The following CNTNAP2 variants were observed in gnomAD, a reference collection of about 807,000 sequenced individuals.
The protein encoded by CNTNAP2 is contactin-associated protein-like 2.
CNTNAP2 carries 98 observed loss-of-function variants against 155.2 expected under a neutral mutation model. That is an observed-to-expected ratio of 0.63 (90% CI 0.54 to 0.75). The LOEUF (loss-of-function observed/expected upper bound fraction) is 0.75. Ranked by LOEUF, CNTNAP2 falls within the 30% of genes least tolerant of loss-of-function variation. CNTNAP2 has a pLI of 0.00. For synonymous variants in CNTNAP2, 651 were observed against 631.2 expected, an observed-to-expected ratio of 1.03 and a Z score of -0.47; for missense variants, 1,727 against 1,688.1, an observed-to-expected ratio of 1.02 and a Z score of -0.40.
At chr7:146,395,592 C>A (rs1351906119) in intron 1 of CNTNAP2, among the ~76,000 whole-genome samples, 1 of 152,064 alleles carries the variant, frequency 6.6e-6, no homozygotes, top group East Asian at 1.9e-4. Flanking sequence ...TTGAACAAAT[C>A]ATGTGCTTAC....
At chr7:146,875,952 AAAAAAAAAAC>A (rs1235214279) in intron 3 of CNTNAP2, among the ~76,000 whole-genome samples, 2 of 149,258 alleles carry the variant, frequency 1.3e-5, no homozygotes, top group African/African-American at 2.5e-5. Context: ...AAAAAAAAAA[AAAAAAAAAAC>A]AAAAAACAAA....
intron 9 of CNTNAP2, among the ~76,000 whole-genome samples, chr7:147,361,342 T>C (rs1251721892): frequency 6.6e-6 from 1 of 152,200 alleles, no homozygotes; most frequent in African/African-American, 2.4e-5. Context: ...AATAATATAA[T>C]GTTAGGTTAT....
chr7:148,018,598 T>C (rs1241330999), intron 15 of CNTNAP2, among the ~76,000 whole-genome samples: 1 of 152,196 alleles, frequency 6.6e-6, no homozygotes, highest in Non-Finnish European at 1.5e-5. Context: ...ACAGTGAACA[T>C]TCAGGGTATG....
chr7:146,291,104 A>G (rs534491118), intron 1 of CNTNAP2, among the ~76,000 whole-genome samples: 122 of 152,338 alleles, frequency 8.0e-4, no homozygotes, highest in African/African-American at 2.5e-3. Flanking sequence ...AAGATAAAAC[A>G]TGATGAATAT....
At chr7:146,668,449 T>G (rs1033504972) in intron 1 of CNTNAP2, among the ~76,000 whole-genome samples, 4 of 150,696 alleles carry the variant, frequency 2.7e-5, no homozygotes, top group South Asian at 2.1e-4. Context: ...TGTGTGTGTG[T>G]GTGTGTGTGT....
At chr7:147,767,882 A>G (rs1028030908) in intron 13 of CNTNAP2, among the ~76,000 whole-genome samples, 16 of 152,158 alleles carry the variant, frequency 1.1e-4, no homozygotes, top group Non-Finnish European at 1.9e-4. Context: ...GAGAAAGAGA[A>G]AGAAAGGAGA....
rs140750250 is a variant in CNTNAP2, at chr7:147,042,918, A to G, written c.403-989A>G. On this transcript the variant is annotated intron_variant, in intron 3 of 23. Transcript: ENST00000361727. The stretch of plus-strand genomic sequence containing the variant: ...TCGAAAAGAGAATATCTTCTAAAAG[A>G]TAATGCTAAAGCCTCAACTTGTCTA... 5.5e-3 allele frequency among the ~76,000 whole-genome samples: 841 copies of G among 152,272 alleles called. 7 individuals are homozygous for G. Among genetic ancestry groups the G allele is most frequent in the Non-Finnish European group, 8.8e-3 (598 of 68,002 alleles).
At chr7:146,360,767 A>T (rs551426451) in intron 1 of CNTNAP2, among the ~76,000 whole-genome samples, 1 of 152,266 alleles carries the variant, frequency 6.6e-6, no homozygotes, top group African/African-American at 2.4e-5. Flanking sequence ...GACTGCAATA[A>T]TGGTATATTA....
At chr7:147,683,850 A>C (rs924505005) in intron 13 of CNTNAP2, among the ~76,000 whole-genome samples, 26 of 151,098 alleles carry the variant, frequency 1.7e-4, no homozygotes, top group Admixed American at 6.6e-4. Context: ...GACTGCCAAA[A>C]TCTAGGGCAC....
At chr7:146,786,590 T>A (rs981266354) in intron 2 of CNTNAP2, among the ~76,000 whole-genome samples, 1 of 152,230 alleles carries the variant, frequency 6.6e-6, no homozygotes, top group African/African-American at 2.4e-5. Flanking sequence ...AACTCAGATA[T>A]ATGCTTGACG....
chr7:147,175,035 A>G (rs546727129), intron 8 of CNTNAP2, among the ~76,000 whole-genome samples: 1 of 152,282 alleles, frequency 6.6e-6, no homozygotes, highest in Non-Finnish European at 1.5e-5. Flanking sequence ...AAATTTCACT[A>G]TATAGAGAAA....
intron 8 of CNTNAP2, among the ~76,000 whole-genome samples, chr7:147,281,982 G>A (rs1256703797): frequency 1.3e-5 from 2 of 151,794 alleles, no homozygotes; most frequent in East Asian, 3.9e-4. Flanking sequence ...TGCTGTTGGG[G>A]GATAGACAGG....
Position 147,317,798 on chromosome 7 carries a change from G to GTATA in CNTNAP2, c.1498+17510_1498+17513dup, listed in dbSNP as rs796634955. 4.0e-3 allele frequency among the ~76,000 whole-genome samples: 337 copies of GTATA among 85,308 alleles called. 2 individuals carry two copies. The highest frequency in any genetic ancestry group is 0.017 in the African/African-American group (312 of 18,058). The allele number at this position is 85,308 out of a possible 152,430, so 56.0% of individuals were successfully genotyped here. ...TATATGTGTGTGTGTGTGTGTGTGT[G>GTATA]TATATGTATATATATGTGTGTGTGT... On this transcript the variant is annotated intron_variant, in intron 9 of 23. Coordinates refer to ENST00000361727, the MANE Select transcript of CNTNAP2 (RefSeq NM_014141.6).
At chr7:147,077,398 C>A (rs189274796) in intron 4 of CNTNAP2, among the ~76,000 whole-genome samples, 2 of 151,884 alleles carry the variant, frequency 1.3e-5, no homozygotes, top group East Asian at 3.9e-4. Flanking sequence ...TTAGTGGAAA[C>A]AAAAGATGCA....
chr7:146,794,286 C>G (rs560637009), intron 2 of CNTNAP2, among the ~76,000 whole-genome samples: 3 of 152,226 alleles, frequency 2.0e-5, no homozygotes, highest in African/African-American at 7.2e-5. Context: ...TTATATGCAA[C>G]CTTCTGTTTA....
chr7:146,273,477 A>T (rs1410631452), intron 1 of CNTNAP2, among the ~76,000 whole-genome samples: 1 of 152,150 alleles, frequency 6.6e-6, no homozygotes, highest in Non-Finnish European at 1.5e-5. Flanking sequence ...TTGTGGCTGT[A>T]ACACAAAATC....
chr7:147,537,799 G>C (rs992718937), intron 11 of CNTNAP2, among the ~76,000 whole-genome samples: 9 of 152,144 alleles, frequency 5.9e-5, no homozygotes, highest in Admixed American at 3.3e-4. Context: ...TACTGATTCA[G>C]GTGTTTATAT....
chr7:148,277,081 T>C (rs937208414), intron 21 of CNTNAP2, among the ~76,000 whole-genome samples: 1 of 151,940 alleles, frequency 6.6e-6, no homozygotes, highest in African/African-American at 2.4e-5. Flanking sequence ...TGCTTCTTTC[T>C]ATAAGGTGGG....
intron 9 of CNTNAP2, among the ~76,000 whole-genome samples, chr7:147,363,054 G>C (rs1169411467): frequency 6.6e-6 from 1 of 152,132 alleles, no homozygotes; most frequent in African/African-American, 2.4e-5. Context: ...CCTCCAATGG[G>C]TCAGTGGGTC....
Sources: allele counts gnomAD v4.1 joint callset (sites outside exome capture counted in the v4.1 genomes callset), GRCh38; gene constraint gnomAD v4.1.1; transcripts MANE v1.5; gene names NCBI Gene and HGNC (gene_info 2026-07-23, HGNC 2026-07-21).